The following KIF6 variants were observed in gnomAD, a reference collection of about 807,000 sequenced individuals.
KIF6 encodes the protein kinesin-like protein KIF6.
In KIF6, 106 loss-of-function variants were observed where a neutral mutation model predicts 112.7. The ratio of observed to expected loss-of-function variants is 0.94; its 90% CI spans 0.80 to 1.11. The LOEUF (loss-of-function observed/expected upper bound fraction) is 1.11. KIF6 is among the 50% of genes least tolerant of loss of function. The pLI, the probability that KIF6 is intolerant of heterozygous loss-of-function variation, is 0.00. For synonymous variants in KIF6, 339 were observed against 339.9 expected, an observed-to-expected ratio of 1.00 and a Z score of 0.03; for missense variants, 929 against 964.0, an observed-to-expected ratio of 0.96 and a Z score of 0.48.
chr6:39,453,389 T>C (rs1032765342), intron 13 of KIF6, among the ~76,000 whole-genome samples: 2 of 152,216 alleles, frequency 1.3e-5, no homozygotes, highest in Admixed American at 1.3e-4. Flanking sequence ...GATTTCCAAT[T>C]AATCTTTTAC....
At chr6:39,463,173 G>A (rs1373184656) in intron 13 of KIF6, among the ~76,000 whole-genome samples, 1 of 151,972 alleles carries the variant, frequency 6.6e-6, no homozygotes, top group Non-Finnish European at 1.5e-5. Flanking sequence ...TCTTTGAATG[G>A]GTAACATGTA....
chr6:39,715,901 C>T (rs1369954339), intron 2 of KIF6, among the ~76,000 whole-genome samples: 1 of 152,180 alleles, frequency 6.6e-6, no homozygotes, highest in Non-Finnish European at 1.5e-5. Flanking sequence ...CAACATAACA[C>T]AGAGGTCAAC....
rs1764548313 is a variant in KIF6, at chr6:39,355,169, G to C, written c.2180+2108C>G. On this transcript the variant is annotated intron_variant, in intron 19 of 22. Transcript: ENST00000287152. Reference sequence around the variant, plus strand: ...CTGCTGTACTCCAGCATGAGTGAGAGTGAAACCCTGTCTCAAAGAAAAAAA... The same window carrying C: ...CTGCTGTACTCCAGCATGAGTGAGACTGAAACCCTGTCTCAAAGAAAAAAA... 6.6e-5 allele frequency among the ~76,000 whole-genome samples: 10 copies of C among 152,258 alleles called. 1 individual carries two copies. In the South Asian group the frequency reaches 2.1e-3, roughly 32 times the overall value.
intron 5 of KIF6, among the ~76,000 whole-genome samples, chr6:39,614,025 C>T (rs926016182): frequency 6.6e-6 from 1 of 152,156 alleles, no homozygotes; most frequent in African/African-American, 2.4e-5. Flanking sequence ...CCTTAATGGG[C>T]ATCCTGATGC....
chr6:39,418,032 T>C (rs754729321), intron 15 of KIF6, among the ~76,000 whole-genome samples: 3 of 145,682 alleles, frequency 2.1e-5, no homozygotes, highest in Non-Finnish European at 4.5e-5. Flanking sequence ...CCAAGTAGAC[T>C]ATCACTGCCC....
intron 10 of KIF6, among the ~76,000 whole-genome samples, chr6:39,560,924 C>G (rs1329972505): frequency 2.0e-5 from 3 of 152,190 alleles, no homozygotes; most frequent in Admixed American, 1.3e-4. Flanking sequence ...CTAACCTGAG[C>G]AGTAGCAAAC....
intron 16 of KIF6, among the ~76,000 whole-genome samples, chr6:39,364,412 C>T (rs561240038): frequency 2.0e-5 from 3 of 152,298 alleles, no homozygotes; most frequent in African/African-American, 4.8e-5. Flanking sequence ...AGCCACCGCG[C>T]CCAGCCCCCT....
At chr6:39,526,251 CT>C (rs1226354975) in intron 13 of KIF6, among the ~76,000 whole-genome samples, 1 of 152,216 alleles carries the variant, frequency 6.6e-6, no homozygotes, top group Admixed American at 6.5e-5. Flanking sequence ...TACTTTCTGT[CT>C]CTTTGATGCC....
chr6:39,526,913 C>A (rs1358820957), intron 13 of KIF6, among the ~76,000 whole-genome samples: 3 of 152,190 alleles, frequency 2.0e-5, no homozygotes, highest in Non-Finnish European at 4.4e-5. Context: ...GGTAGGCATT[C>A]ATGCTTAAGG....
intron 13 of KIF6, among the ~76,000 whole-genome samples, chr6:39,520,761 C>T (rs557335412): frequency 2.6e-5 from 4 of 152,294 alleles, no homozygotes; most frequent in African/African-American, 9.6e-5. Context: ...CACATATGCA[C>T]AGTGGAAAAC....
intron 13 of KIF6, among the ~76,000 whole-genome samples, chr6:39,525,846 T>G (rs1434269647): frequency 6.7e-6 from 1 of 149,490 alleles, no homozygotes; most frequent in African/African-American, 2.5e-5. Context: ...AATAAATAAA[T>G]AAAGCCTTTT....
intron 7 of KIF6, among the ~76,000 whole-genome samples, chr6:39,591,406 G>C (rs1409613168): frequency 2.6e-5 from 4 of 152,220 alleles, no homozygotes; most frequent in Admixed American, 6.5e-5. Context: ...GTGAGCCTCA[G>C]TTCCCTCACT....
intron 13 of KIF6, among the ~76,000 whole-genome samples, chr6:39,471,381 T>C (rs947644878): frequency 1.3e-5 from 2 of 152,198 alleles, no homozygotes; most frequent in African/African-American, 4.8e-5. Flanking sequence ...GGCCACGAGA[T>C]TGACCATTCC....
chr6:39,596,343 G>A (rs926012258), intron 6 of KIF6, 83 bp from the exon 7 acceptor site: 1 of 975,080 alleles, frequency 1.0e-6, no homozygotes, highest in African/African-American at 1.6e-5. Flanking sequence ...AATATTTCTA[G>A]TGATAAGACA....
rs113611337 is a variant in KIF6, at chr6:39,374,197, C to G, written c.1861+11425G>C. Among the ~76,000 whole-genome samples, 1,489 of 152,192 alleles carry G rather than the reference C, an allele frequency of 9.8e-3. 30 individuals carry two copies. Among genetic ancestry groups the G allele is most frequent in the African/African-American group, 0.034 (1,425 of 41,512 alleles). On this transcript the variant is annotated intron_variant, in intron 16 of 22. Transcript: ENST00000287152. The stretch of plus-strand genomic sequence containing the variant: ...CATGCTCAAGAATAAAATTGGATCC[C>G]TATCTCAAACCATAAAGAAAAATTA...
chr6:39,569,494 T>C (rs1354119350), intron 10 of KIF6, among the ~76,000 whole-genome samples: 1 of 152,252 alleles, frequency 6.6e-6, no homozygotes, highest in South Asian at 2.1e-4. Context: ...ACTGTACCTA[T>C]AGTTGAAATT....
chr6:39,611,712 T>C (rs1012652246), intron 6 of KIF6, among the ~76,000 whole-genome samples: 1 of 152,226 alleles, frequency 6.6e-6, no homozygotes, highest in Admixed American at 6.5e-5. Flanking sequence ...CCCATTTCTA[T>C]TCTGTATCTC....
chr6:39,645,993 A>G (rs1785150462), intron 3 of KIF6, among the ~76,000 whole-genome samples: 1 of 151,960 alleles, frequency 6.6e-6, no homozygotes, highest in Non-Finnish European at 1.5e-5. Context: ...GGGGGGAGGG[A>G]TAGCATTAGG....
chr6:39,643,792 C>G (rs1035436781), intron 3 of KIF6, among the ~76,000 whole-genome samples: 1 of 151,976 alleles, frequency 6.6e-6, no homozygotes, highest in African/African-American at 2.4e-5. Flanking sequence ...ACATCAAAAG[C>G]ACAAAGAGCC....
Sources: allele counts gnomAD v4.1 joint callset (sites outside exome capture counted in the v4.1 genomes callset), GRCh38; gene constraint gnomAD v4.1.1; transcripts MANE v1.5; gene names NCBI Gene and HGNC (gene_info 2026-07-23, HGNC 2026-07-21).